Variants in PEX5 observed in about 807,000 individuals in gnomAD.
PEX5 encodes the protein peroxisomal biogenesis factor 5, also known as PTS1 receptor.
A neutral mutation model predicts 82.9 loss-of-function variants in PEX5; 52 were observed. The ratio of observed to expected loss-of-function variants is 0.63; its 90% confidence interval spans 0.50 to 0.79. The LOEUF (loss-of-function observed/expected upper bound fraction) is 0.79. Ranked by LOEUF, PEX5 falls within the 30% of genes least tolerant of loss-of-function variation. PEX5 has a pLI of 0.00. For missense variants in PEX5, 719 were observed against 815.2 expected, an observed-to-expected ratio of 0.88 and a Z score of 1.44; for synonymous variants, 300 against 318.8, an observed-to-expected ratio of 0.94 and a Z score of 0.63.
intron 14 of PEX5, 38 bp downstream of exon 14, chr12:7,209,208 T>C (rs370993250): frequency 1.8e-4 from 294 of 1,600,894 alleles, no homozygotes; most frequent in Non-Finnish European, 2.3e-4. Context: ...GACATGACTG[T>C]GTACCTTATT....
At chr12:7,200,182 C>T (rs201472940) in intron 6 of PEX5, among the ~76,000 whole-genome samples, 50,014 of 120,844 alleles carry the variant, frequency 0.41, 13,271 homozygotes, top group Admixed American at 0.61. Context: ...ACGGGGCGGC[C>T]GGGCAGAGAC....
At position 7,202,221 on chromosome 12, in the gene PEX5, T is replaced by C; in HGVS notation, c.643-20T>C. 1.9e-6 allele frequency: 3 copies of C among 1,613,902 alleles called. No individual in the cohort carries two copies. Among genetic ancestry groups the C allele is most frequent in the Non-Finnish European group, 2.5e-6 (3 of 1,180,006 alleles). ...TGGAAGTCCTTTCCCAAGTGGCCTG[T>C]GTGTGTCTCTGTGCCCCAGTTCCTG... On this transcript the variant is annotated intron_variant, in intron 7 of 15. Coordinates refer to ENST00000675855, the MANE Select transcript of PEX5 (RefSeq NM_001351132.2).
At chr12:7,205,079 G>C (rs1565711382) in intron 10 of PEX5, among the ~76,000 whole-genome samples, 4 of 152,128 alleles carry the variant, frequency 2.6e-5, no homozygotes, top group African/African-American at 9.7e-5. Flanking sequence ...ATGCCTAGAA[G>C]AAAACATAGG....
chr12:7,207,412 G>A (rs918961865), intron 10 of PEX5, among the ~76,000 whole-genome samples: 1 of 152,160 alleles, frequency 6.6e-6, no homozygotes, highest in South Asian at 2.1e-4. Flanking sequence ...TATTTCCAGC[G>A]CAGATGAATT....
chr12:7,208,102 G>A lies in PEX5; in HGVS notation c.1181+22G>A, dbSNP rs750659384. On this transcript the variant is annotated intron_variant, in intron 12 of 15. Transcript: ENST00000675855. Reference sequence around the variant, plus strand: ...GGAGGTGAGTACACTGAAAGGTGTGGGTGAGGTGCTTCCAAGGCTCTGCAT... The same window carrying A: ...GGAGGTGAGTACACTGAAAGGTGTGAGTGAGGTGCTTCCAAGGCTCTGCAT... 8.3e-6 allele frequency: 13 copies of A among 1,565,608 alleles called. No individual in the cohort carries two copies. In the East Asian group the frequency reaches 2.5e-4, roughly 30 times the overall value.
chr12:7,210,195 T>G lies in PEX5; in HGVS notation c.1892T>G (p.Leu631Arg). 6.2e-7 allele frequency: 1 copy of G among 1,614,186 alleles called. No homozygotes were observed. Among genetic ancestry groups the G allele is most frequent in the Non-Finnish European group, 8.5e-7 (1 of 1,180,028 alleles). ...GAADARDLST[L>R]LTMFGLPQ Reference sequence around the variant, plus strand: ...GCCGACGCGCGGGATCTGTCCACCCTCCTAACTATGTTTGGCCTGCCCCAG... The same window carrying G: ...GCCGACGCGCGGGATCTGTCCACCCGCCTAACTATGTTTGGCCTGCCCCAG... Residue 631 changes from leucine (L) to arginine (R), a missense_variant, in exon 16 of 16, where the codon CTC becomes CGC. Transcript: ENST00000675855.
At chr12:7,191,196 G>A (rs1262569135) in intron 3 of PEX5, 30 bp from the exon 4 acceptor site, 2 of 1,614,070 alleles carry the variant, frequency 1.2e-6, no homozygotes, top group Non-Finnish European at 1.7e-6. Flanking sequence ...CCAAGCCTAT[G>A]GGTTCATTTC....
chr12:7,201,204 T>C (rs945511243), intron 6 of PEX5, among the ~76,000 whole-genome samples: 4 of 152,000 alleles, frequency 2.6e-5, no homozygotes, highest in Non-Finnish European at 5.9e-5. Flanking sequence ...TACACATACA[T>C]GTGCACATAC....
At position 7,209,131 on chromosome 12, in the gene PEX5, C is replaced by A; in HGVS notation, c.1521C>A (p.Ala507=). The change falls in exon 14 of 16, where the codon GCC becomes GCA. Residue 507 remains alanine (A), a synonymous_variant. Transcript: ENST00000675855. ...LFNLSGEYDK[A]VDCFTAALSV... is the part of the protein sequence containing the mutation. Reference sequence around the variant, plus strand: ...ACCTGAGTGGGGAGTATGACAAGGCCGTGGACTGCTTCACAGCTGCCCTCA... The same window carrying A: ...ACCTGAGTGGGGAGTATGACAAGGCAGTGGACTGCTTCACAGCTGCCCTCA... 6.2e-7 allele frequency: 1 copy of A among 1,614,016 alleles called. No individual in the cohort carries two copies. The highest frequency in any genetic ancestry group is 8.5e-7 in the Non-Finnish European group (1 of 1,179,974).
chr12:7,203,709 T>C (rs1944429667), intron 10 of PEX5, among the ~76,000 whole-genome samples, 158 bp downstream of exon 10: 1 of 152,234 alleles, frequency 6.6e-6, no homozygotes, highest in Non-Finnish European at 1.5e-5. Flanking sequence ...TCTTCAGTGA[T>C]TGAGTATAAA....
At position 7,202,735 on chromosome 12, in the gene PEX5, C is replaced by A. The variant is rs370106926; in HGVS notation, c.846+31C>A. On this transcript the variant is annotated intron_variant, in intron 9 of 15. Transcript: ENST00000675855. ...AGCAGATAGTGCAGGAGCAGACACC[C>A]CAAAAGAAAACACTCCTTGGAGTGA... 1.4e-4 allele frequency: 208 copies of A among 1,488,014 alleles called. 2 individuals carry two copies. The South Asian group carries it at 2.2e-3, about 16-fold the overall frequency. The allele number at this position is 1,488,014 out of a possible 1,614,324, so 92.2% of individuals were successfully genotyped here. A position where few individuals can be genotyped will look rare whatever the true frequency, so the allele number is the denominator to read the frequency against.
chr12:7,208,006 C>CT lies in PEX5; in HGVS notation c.1111-3dup. On this transcript the variant is annotated splice_polypyrimidine_tract_variant and splice_region_variant and intron_variant, in intron 11 of 15. Transcript: ENST00000675855. ...GGTGATGGAATCTGTCAACTTCCCT[C>CT]TAGGCTTGGCAGTATCTGGGTACCA... 2.5e-6 allele frequency: 4 copies of CT among 1,612,802 alleles called. No individual in the cohort carries two copies. Among genetic ancestry groups the CT allele is most frequent in the Non-Finnish European group, 3.4e-6 (4 of 1,178,814 alleles).
intron 5 of PEX5, among the ~76,000 whole-genome samples, chr12:7,192,355 A>C (rs1440024858): frequency 6.6e-6 from 1 of 152,134 alleles, no homozygotes; most frequent in Non-Finnish European, 1.5e-5. Flanking sequence ...CCTGGATTTG[A>C]ATGATTCCTG....
chr12:7,191,020 C>A, intron 3 of PEX5, 97 bp downstream of exon 3: 2 of 1,299,754 alleles, frequency 1.5e-6, no homozygotes, highest in Non-Finnish European at 2.2e-6. Flanking sequence ...TTTGGGCTTT[C>A]CTGACCGAAT....
chr12:7,205,605 G>C (rs2136201554), intron 10 of PEX5, among the ~76,000 whole-genome samples: 1 of 152,238 alleles, frequency 6.6e-6, no homozygotes, highest in East Asian at 1.9e-4. Context: ...TAATGACTTG[G>C]GTTTGGCTTT....
intron 10 of PEX5, among the ~76,000 whole-genome samples, chr12:7,205,658 GGTT>G (rs748727182): frequency 3.7e-4 from 57 of 152,120 alleles, no homozygotes; most frequent in Admixed American, 7.2e-4. Context: ...GTGTTCTGTG[GGTT>G]GTTGAGGGAT....
chr12:7,206,713 CAAT>C (rs10535014), intron 10 of PEX5, among the ~76,000 whole-genome samples: 66,888 of 151,682 alleles, frequency 0.44, 15,863 homozygotes, highest in Admixed American at 0.61. Context: ...ATCATTTTCA[CAAT>C]AATAATGAAA....
chr12:7,212,130 T>TA (rs1164239425), downstream of PEX5, among the ~76,000 whole-genome samples: 22 of 151,982 alleles, frequency 1.4e-4, no homozygotes, highest in Admixed American at 1.4e-3. Flanking sequence ...CACGCCCAGC[T>TA]AATTTTGTAT....
chr12:7,216,722 T>TC (rs1403518825), intron 17 of PEX5, among the ~76,000 whole-genome samples: 4 of 151,926 alleles, frequency 2.6e-5, no homozygotes, highest in Non-Finnish European at 5.9e-5. Flanking sequence ...CCAAAACTTT[T>TC]TGTATTATTT....
Sources: allele counts gnomAD v4.1 joint callset (sites outside exome capture counted in the v4.1 genomes callset), GRCh38; gene constraint gnomAD v4.1.1; transcripts MANE v1.5; gene names NCBI Gene and HGNC (gene_info 2026-07-23, HGNC 2026-07-21).